Variants in SLC23A2 observed in about 807,000 individuals in gnomAD.
The protein encoded by SLC23A2 is solute carrier family 23 member 2.
SLC23A2 carries 36 observed loss-of-function variants against 73.3 expected under a neutral mutation model. The ratio of observed to expected loss-of-function variants is 0.49; its 90% confidence interval spans 0.38 to 0.65. SLC23A2 has a LOEUF of 0.65. Ranked by LOEUF, SLC23A2 falls within the 30% of genes least tolerant of loss-of-function variation. SLC23A2 has a pLI of 0.00. For synonymous variants in SLC23A2, 343 were observed against 327.3 expected, an observed-to-expected ratio of 1.05 and a Z score of -0.52; for missense variants, 507 against 841.6, an observed-to-expected ratio of 0.60 and a Z score of 4.92.
intron 4 of SLC23A2, among the ~76,000 whole-genome samples, chr20:4,908,136 C>G (rs73893861): frequency 0.02 from 3,043 of 152,182 alleles, 97 homozygotes; most frequent in African/African-American, 0.068. Flanking sequence ...AAATCAGAAA[C>G]CAAAAGAATA....
Position 4,854,385 on chromosome 20 carries a change from A to G in SLC23A2, c.*2587T>C, listed in dbSNP as rs1413036028. 7.7e-6 allele frequency: 1 copy of G among 130,366 alleles called. No homozygotes were observed. The highest frequency in any genetic ancestry group is 4.0e-5 in the African/African-American group (1 of 25,008). The allele number at this position is 130,366 out of a possible 1,614,324, so 8.1% of individuals were successfully genotyped here. On this transcript the variant is annotated 3_prime_UTR_variant, in exon 17 of 17. Coordinates refer to ENST00000338244, the MANE Select transcript of SLC23A2 (RefSeq NM_005116.6). ...TTTTCCAGTAGGAGAACCACTTCCT[A>G]AAATGGTGTGTGTGTGTGTGTGTGT...
intron 2 of SLC23A2, among the ~76,000 whole-genome samples, chr20:4,943,413 A>G (rs2087072619): frequency 6.6e-6 from 1 of 151,934 alleles, no homozygotes; most frequent in Admixed American, 6.6e-5. Context: ...CACACCTGCA[A>G]TCCCAGCACT....
At chr20:4,874,507 C>T in intron 10 of SLC23A2, 69 bp downstream of exon 10, 1 of 1,479,258 alleles carries the variant, frequency 6.8e-7, no homozygotes, top group Non-Finnish European at 9.2e-7. Context: ...AAAACCCTCC[C>T]TTCACTTAAT....
chr20:4,999,321 C>T (rs2088077744), intron 1 of SLC23A2, among the ~76,000 whole-genome samples: 1 of 152,128 alleles, frequency 6.6e-6, no homozygotes, highest in South Asian at 2.1e-4. Context: ...ATCTGTTCAA[C>T]AGAACCTGGT....
At chr20:4,982,170 T>C (rs1271015072) in intron 1 of SLC23A2, among the ~76,000 whole-genome samples, 2 of 151,062 alleles carry the variant, frequency 1.3e-5, no homozygotes, top group Non-Finnish European at 2.9e-5. Flanking sequence ...AATTTTTGTA[T>C]TTTTAGTAGA....
chr20:4,898,009 A>T (rs1931609931), intron 6 of SLC23A2, among the ~76,000 whole-genome samples: 1 of 152,248 alleles, frequency 6.6e-6, no homozygotes, highest in African/African-American at 2.4e-5. Flanking sequence ...AGTGAGCCAA[A>T]AAAAGCTCTG....
rs958615643 is a variant in SLC23A2, at chr20:4,856,957, A to G, written c.*15T>C. On this transcript the variant is annotated 3_prime_UTR_variant, in exon 17 of 17. Coordinates refer to ENST00000338244, the MANE Select transcript of SLC23A2 (RefSeq NM_005116.6). The surrounding 1 kb of genome is among the most constrained non-coding windows in gnomAD (Gnocchi z 4.6). ...ACATGCCTCACTGCGGCCAGGCCAC[A>G]GGGCACAGCAAAGGCTATCCCGTGG... 12 of 1,576,476 alleles carry G rather than the reference A, an allele frequency of 7.6e-6. No individual in the cohort carries two copies. The highest frequency in any genetic ancestry group is 5.0e-5 in the Admixed American group (3 of 59,762).
chr20:4,874,142 T>C (rs751480654), intron 10 of SLC23A2, 50 bp from the exon 11 acceptor site: 1 of 1,577,116 alleles, frequency 6.3e-7, no homozygotes, highest in South Asian at 1.2e-5. Flanking sequence ...CTCACAGGTG[T>C]TGGCAAAAAA....
rs1929985788 is a variant in SLC23A2, at chr20:4,862,054, C to A, written c.1518G>T (p.Leu506=). 1.2e-6 allele frequency: 2 copies of A among 1,614,062 alleles called. No individual in the cohort carries two copies. Among genetic ancestry groups the A allele is most frequent in the Non-Finnish European group, 1.7e-6 (2 of 1,179,940 alleles). ...GGGAAGAATTTAAATCAATGAACTG[C>A]AGGTTAGAGAGGCCAACAGCTGTGA... The part of the protein sequence containing the change: ...GMITAVGLSN[L]QFIDLNSSRN... The change falls in exon 15 of 17, where the codon CTG becomes CTT. Residue 506 remains leucine, a synonymous_variant. Coordinates refer to ENST00000338244, the MANE Select transcript of SLC23A2 (RefSeq NM_005116.6). The surrounding 1 kb of genome is among the most constrained non-coding windows in gnomAD (Gnocchi z 5.1).
intron 9 of SLC23A2, among the ~76,000 whole-genome samples, chr20:4,881,060 G>C (rs1449753258): frequency 2.0e-5 from 3 of 152,188 alleles, no homozygotes; most frequent in Non-Finnish European, 2.9e-5. Context: ...TGGGCTGTGT[G>C]GGGGATGAGG....
At chr20:4,932,767 G>A (rs1932803488) in intron 2 of SLC23A2, 51 bp from the exon 3 acceptor site, 3 of 532,806 alleles carry the variant, frequency 5.6e-6, no homozygotes, top group Non-Finnish European at 1.0e-5. Context: ...AAACAACACA[G>A]GCCATGCAGT....
intron 13 of SLC23A2, among the ~76,000 whole-genome samples, chr20:4,866,654 CA>C (rs1260213814): frequency 6.6e-6 from 1 of 152,236 alleles, no homozygotes; most frequent in African/African-American, 2.4e-5. Flanking sequence ...AACCAACAAA[CA>C]AACCAGGCAT....
intron 1 of SLC23A2, among the ~76,000 whole-genome samples, chr20:4,994,011 G>C (rs2087975364): frequency 6.6e-6 from 1 of 152,122 alleles, no homozygotes; most frequent in Admixed American, 6.6e-5. Context: ...GATCTCTTGA[G>C]CCCGGGAGGC....
At chr20:4,940,685 C>T (rs375965078) in intron 2 of SLC23A2, among the ~76,000 whole-genome samples, 5 of 152,330 alleles carry the variant, frequency 3.3e-5, no homozygotes, top group Admixed American at 1.3e-4. Context: ...TGCCTTTTTA[C>T]ATAACACAGG....
chr20:4,888,270 C>G (rs1052391250), intron 6 of SLC23A2, among the ~76,000 whole-genome samples: 1 of 152,310 alleles, frequency 6.6e-6, no homozygotes, highest in African/African-American at 2.4e-5. Flanking sequence ...TATTTACTCA[C>G]GGTCTAAGGC....
intron 9 of SLC23A2, among the ~76,000 whole-genome samples, chr20:4,880,801 A>G (rs913420150): frequency 1.3e-5 from 2 of 152,044 alleles, no homozygotes; most frequent in Admixed American, 6.6e-5. Context: ...AGACCCACCG[A>G]GGGCAGCACG....
chr20:4,979,010 TGGCTCACGTCTGTAA>T (rs1288605755), intron 1 of SLC23A2, among the ~76,000 whole-genome samples: 1 of 152,148 alleles, frequency 6.6e-6, no homozygotes, highest in African/African-American at 2.4e-5. Flanking sequence ...CCAGGCACGG[TGGCTCACGTCTGTAA>T]GGCTCACGTC....
chr20:4,942,011 CTT>C (rs1477866161), intron 2 of SLC23A2, among the ~76,000 whole-genome samples: 1 of 148,682 alleles, frequency 6.7e-6, no homozygotes, highest in African/African-American at 2.4e-5. Context: ...TCTAAACTAA[CTT>C]AACTACAAAA....
At chr20:4,915,279 G>A (rs982238828) in intron 3 of SLC23A2, among the ~76,000 whole-genome samples, 3 of 152,010 alleles carry the variant, frequency 2.0e-5, no homozygotes, top group Non-Finnish European at 2.9e-5. Context: ...ACAACCCTTT[G>A]TAAGTGTTTG....
Sources: gnomAD v4.1 joint callset for allele counts (sites outside exome capture counted in the v4.1 genomes callset) on GRCh38, gnomAD v4.1.1 for gene constraint, Gnocchi (gnomAD v3.1) non-coding constraint, MANE v1.5 for transcripts, NCBI Gene and HGNC (gene_info 2026-07-23, HGNC 2026-07-21) for gene names.